Variants in CPQ observed in about 807,000 individuals in gnomAD.
CPQ encodes Ser-Met dipeptidase.
CPQ carries 37 observed loss-of-function variants against 45.7 expected under a neutral mutation model. The observed-to-expected ratio is 0.81, with a 90% CI of 0.62 to 1.07. The LOEUF (loss-of-function observed/expected upper bound fraction) is 1.07. Among genes scored for constraint, CPQ ranks in the 50% least tolerant of loss-of-function variants. The pLI is 0.00. For missense variants in CPQ, 537 were observed against 572.9 expected (o/e 0.94, Z 0.64); for synonymous variants, 186 against 205.8 (o/e 0.90, Z 0.82).
chr8:96,972,852 G>A (rs1813702941), intron 5 of CPQ, among the ~76,000 whole-genome samples: 1 of 152,066 alleles, frequency 6.6e-6, no homozygotes, highest in South Asian at 2.1e-4. Context: ...TCACATCAAG[G>A]GAGCATCCCG....
chr8:96,978,356 A>G (rs1375710582), intron 5 of CPQ, among the ~76,000 whole-genome samples: 5 of 152,222 alleles, frequency 3.3e-5, no homozygotes. Context: ...GAGATAAAGC[A>G]AGATTTGTTT....
At chr8:96,753,780 T>C (rs1810292621) in intron 1 of CPQ, among the ~76,000 whole-genome samples, 1 of 152,020 alleles carries the variant, frequency 6.6e-6, no homozygotes, top group Non-Finnish European at 1.5e-5. Context: ...TTTCTTTTCT[T>C]GCATGTTAGT....
intron 1 of CPQ, among the ~76,000 whole-genome samples, chr8:96,702,948 G>GA (rs1186297262): frequency 3.3e-5 from 5 of 152,106 alleles, no homozygotes. Context: ...GTGCCTTATA[G>GA]AAAAAATGTG....
In CPQ at chr8:97,132,644, T is replaced by C. The variant is rs186688233; in HGVS notation, c.1256-10376T>C. On this transcript the variant is annotated intron_variant, in intron 7 of 7. Coordinates refer to ENST00000220763, the MANE Select transcript of CPQ (RefSeq NM_016134.4). ...TACTAAAGCATGATTATTTTAAAGCTTTCATTATAAACTCTACACTGGAAA... is the reference window on the plus strand; with the variant it reads ...TACTAAAGCATGATTATTTTAAAGCCTTCATTATAAACTCTACACTGGAAA... Among the ~76,000 whole-genome samples, 14 of 152,326 alleles carry C rather than the reference T, an allele frequency of 9.2e-5. No individual in the cohort carries two copies. The East Asian group carries it at 1.2e-3, about 13-fold the overall frequency.
At chr8:97,107,761 G>A (rs1412862540) in intron 7 of CPQ, among the ~76,000 whole-genome samples, 2 of 151,670 alleles carry the variant, frequency 1.3e-5, no homozygotes, top group Non-Finnish European at 2.9e-5. Flanking sequence ...TGAGGTGGTG[G>A]GGAAATGGGG....
chr8:96,725,943 A>G (rs921302686), intron 1 of CPQ, among the ~76,000 whole-genome samples: 2 of 152,202 alleles, frequency 1.3e-5, no homozygotes, highest in African/African-American at 4.8e-5. Context: ...TTGGAGCAAC[A>G]TGGATGCAGC....
intron 1 of CPQ, among the ~76,000 whole-genome samples, chr8:96,738,965 G>C (rs1476193549): frequency 6.6e-6 from 1 of 151,358 alleles, no homozygotes; most frequent in Non-Finnish European, 1.5e-5. Flanking sequence ...TAGTCCTTTG[G>C]GTATATACCC....
At position 96,879,781 on chromosome 8, in the gene CPQ, T is replaced by G; in HGVS notation, c.642-17T>G. The G allele has an allele frequency of 6.2e-7, 1 of 1,607,424 alleles. No individual in the cohort carries two copies. Among genetic ancestry groups the G allele is most frequent in the Non-Finnish European group, 8.5e-7 (1 of 1,174,036 alleles). ...TATTTCCACTTTCAAGGTAACCTGG[T>G]GGCTTCTTCTCTCAAGTCCTCACAC... On this transcript the variant is annotated splice_polypyrimidine_tract_variant and intron_variant, in intron 3 of 7. Transcript: ENST00000220763.
At chr8:96,965,518 T>C (rs976840268) in intron 4 of CPQ, among the ~76,000 whole-genome samples, 1 of 151,822 alleles carries the variant, frequency 6.6e-6, no homozygotes, top group African/African-American at 2.4e-5. Flanking sequence ...TACAGGCGCC[T>C]GCCACCACAC....
At chr8:97,024,730 A>G (rs544112493) in intron 5 of CPQ, among the ~76,000 whole-genome samples, 6 of 152,270 alleles carry the variant, frequency 3.9e-5, no homozygotes, top group African/African-American at 1.2e-4. Context: ...TTCAATTCAC[A>G]TGCTACCATG....
intron 4 of CPQ, among the ~76,000 whole-genome samples, chr8:96,906,104 G>A (rs1467587670): frequency 2.0e-5 from 3 of 152,108 alleles, no homozygotes; most frequent in Non-Finnish European, 4.4e-5. Flanking sequence ...GGGTATGGAG[G>A]GGGCATCTGG....
intron 6 of CPQ, among the ~76,000 whole-genome samples, chr8:97,058,021 T>C (rs999914510): frequency 1.3e-5 from 2 of 152,124 alleles, no homozygotes; most frequent in African/African-American, 4.8e-5. Flanking sequence ...CCTAAGAAAA[T>C]ATAATTATTT....
intron 7 of CPQ, among the ~76,000 whole-genome samples, chr8:97,066,988 A>G (rs1189592763): frequency 7.1e-6 from 1 of 141,064 alleles, no homozygotes; most frequent in Non-Finnish European, 1.5e-5. Context: ...GTGCAGTGAC[A>G]TGATCACAGC....
At chr8:96,758,906 C>T (rs1014163298) in intron 1 of CPQ, among the ~76,000 whole-genome samples, 2 of 152,064 alleles carry the variant, frequency 1.3e-5, no homozygotes, top group Admixed American at 6.6e-5. Context: ...TTTATATCTC[C>T]GTATAATACA....
chr8:97,092,656 T>C (rs1282710613), intron 7 of CPQ: 5 of 152,162 alleles, frequency 3.3e-5, no homozygotes, highest in African/African-American at 9.7e-5. Context: ...CCTCTCACCA[T>C]ACATAAAAAT....
At chr8:97,013,833 A>G (rs1397836971) in intron 5 of CPQ, among the ~76,000 whole-genome samples, 3 of 152,210 alleles carry the variant, frequency 2.0e-5, no homozygotes, top group Non-Finnish European at 4.4e-5. Flanking sequence ...AAAGTTAGGA[A>G]GTGTGTAGGA....
intron 2 of CPQ, among the ~76,000 whole-genome samples, chr8:96,808,051 C>G (rs530527555): frequency 2.6e-4 from 40 of 152,298 alleles, no homozygotes; most frequent in Admixed American, 2.6e-3. Flanking sequence ...TCACAAGTCC[C>G]TCTACTGAGA....
chr8:96,939,587 CAT>C (rs1053047946), intron 4 of CPQ, among the ~76,000 whole-genome samples: 1 of 152,096 alleles, frequency 6.6e-6, no homozygotes, highest in African/African-American at 2.4e-5. Flanking sequence ...TTTAGTTGTA[CAT>C]AGTCTTTTAC....
chr8:97,001,289 G>T (rs1809275929), intron 5 of CPQ, among the ~76,000 whole-genome samples: 1 of 152,118 alleles, frequency 6.6e-6, no homozygotes, highest in Admixed American at 6.6e-5. Flanking sequence ...GAATAGGAGT[G>T]GTGAGAGAGG....
Sources: gnomAD v4.1 joint callset for allele counts (sites outside exome capture counted in the v4.1 genomes callset) on GRCh38, gnomAD v4.1.1 for gene constraint, MANE v1.5 for transcripts, NCBI Gene and HGNC (gene_info 2026-07-23, HGNC 2026-07-21) for gene names.